The following CABP1 variants were observed in gnomAD, a reference collection of about 807,000 sequenced individuals.
The protein encoded by CABP1 is calcium binding protein 1, also known as calcium-binding protein 1.
In CABP1, 17 loss-of-function variants were observed where a neutral mutation model predicts 34.3. The observed-to-expected ratio is 0.50, with a 90% CI of 0.34 to 0.74. CABP1 has a LOEUF of 0.74. Among genes scored for constraint, CABP1 ranks in the 30% least tolerant of loss-of-function variants. The pLI is 0.01. For missense variants in CABP1, 373 were observed against 511.1 expected, an observed-to-expected ratio of 0.73 and a Z score of 2.61; for synonymous variants, 198 against 229.2, an observed-to-expected ratio of 0.86 and a Z score of 1.23.
At chr12:120,671,038 G>T (rs984253745), downstream of CABP1, among the ~76,000 whole-genome samples, 1 of 152,160 alleles carries the variant, frequency 6.6e-6, no homozygotes, top group Non-Finnish European at 1.5e-5. Context: ...TACATAAAAG[G>T]CACCCGATTC....
At chr12:120,676,826 A>G in the CABP1 span, among the ~76,000 whole-genome samples, 1 of 152,214 alleles carries the variant, frequency 6.6e-6, no homozygotes, top group Non-Finnish European at 1.5e-5. Flanking sequence ...TTAGGTTCAG[A>G]GAAGGAATGT....
Position 120,660,968 on chromosome 12 carries a change from G to T in CABP1, c.940-103G>T. ...GGAGCTTGGACAGAGAAAGGTCTCT[G>T]GTAAAGGGGGGCAATGACACTGGAG... On this transcript the variant is annotated intron_variant, in intron 4 of 5. Coordinates refer to ENST00000316803, the MANE Select transcript of CABP1 (RefSeq NM_001033677.2). The surrounding 1 kb of genome is among the most constrained non-coding windows in gnomAD (Gnocchi z 5.0). 1 of 1,443,656 alleles carries T rather than the reference G, an allele frequency of 6.9e-7. No homozygotes were observed. The highest frequency in any genetic ancestry group is 9.6e-7 in the Non-Finnish European group (1 of 1,044,756). The allele number at this position is 1,443,656 out of a possible 1,614,324, so 89.4% of individuals were successfully genotyped here.
At position 120,641,030 on chromosome 12, in the gene CABP1, C is replaced by T; in HGVS notation, c.345C>T (p.Pro115=). The change falls in exon 1 of 6, where the codon CCC becomes CCT. Residue 115 remains proline, a synonymous_variant. Coordinates refer to ENST00000316803, the MANE Select transcript of CABP1 (RefSeq NM_001033677.2). The surrounding 1 kb of genome is among the most constrained non-coding windows in gnomAD (Gnocchi z 6.7). ...CPATPQSSGD[P]SSRRPLCRPA... ...CGACGCCGCAGTCGTCCGGGGACCCCAGTTCGCGGAGGCCCCTGTGCCGGC... is the reference window on the plus strand; with the variant it reads ...CGACGCCGCAGTCGTCCGGGGACCCTAGTTCGCGGAGGCCCCTGTGCCGGC... 1.7e-6 allele frequency: 2 copies of T among 1,175,908 alleles called. No homozygotes were observed. Among genetic ancestry groups the T allele is most frequent in the Non-Finnish European group, 2.1e-6 (2 of 952,292 alleles). The allele number at this position is 1,175,908 out of a possible 1,614,324, so 72.8% of individuals were successfully genotyped here. A position where few individuals can be genotyped will look rare whatever the true frequency, so the allele number is the denominator to read the frequency against.
In CABP1 at chr12:120,661,346, T is replaced by C. The variant is rs10774565; in HGVS notation, c.1087+128T>C. On this transcript the variant is annotated intron_variant, in intron 5 of 5. Coordinates refer to ENST00000316803, the MANE Select transcript of CABP1 (RefSeq NM_001033677.2). The surrounding 1 kb of genome is among the most constrained non-coding windows in gnomAD (Gnocchi z 5.1). ...TCCAACCCCCAGCCCTTTCATCCTC[T>C]TATCCCTCCGTCCATGCCCCCGTCT... 155,367 of 1,035,406 alleles carry C rather than the reference T, an allele frequency of 0.15. 12,488 individuals are homozygous for C. Among genetic ancestry groups the C allele is most frequent in the East Asian group, 0.21 (8,273 of 38,802 alleles). The allele number at this position is 1,035,406 out of a possible 1,614,324, so 64.1% of individuals were successfully genotyped here.
intron 5 of CABP1, among the ~76,000 whole-genome samples, chr12:120,662,669 G>A (rs2137368210): frequency 7.1e-6 from 1 of 140,324 alleles, no homozygotes; most frequent in East Asian, 2.2e-4. Flanking sequence ...CCACCAGGAG[G>A]GCTTTTATCC....
At chr12:120,653,932 G>A (rs11065189) in intron 1 of CABP1, among the ~76,000 whole-genome samples, 5,352 of 152,260 alleles carry the variant, frequency 0.035, 279 homozygotes, top group East Asian at 0.26. Context: ...CAAAAATGCT[G>A]ACTCTCTGCA....
Position 120,655,918 on chromosome 12 carries a change from G to A in CABP1, c.655-3960G>A. 2.0e-6 allele frequency: 3 copies of A among 1,537,012 alleles called. No individual in the cohort carries two copies. In the South Asian group the frequency reaches 3.6e-5, roughly 18 times the overall value. On this transcript the variant is annotated intron_variant, in intron 1 of 5. Transcript: ENST00000316803. The stretch of plus-strand genomic sequence containing the variant: ...GAACCACCATTTCCGTCAAGGATTG[G>A]AGACTCTGTCTGTTGGACCAATTTG...
chr12:120,656,448 A>ATGT (rs869134402), intron 1 of CABP1, among the ~76,000 whole-genome samples: 1 of 33,830 alleles, frequency 3.0e-5, no homozygotes, highest in East Asian at 5.2e-4. Flanking sequence ...GAGCAAAATA[A>ATGT]TGATGATGAT....
chr12:120,666,972 C>G lies in CABP1; in HGVS notation c.*72C>G. 1 of 1,527,716 alleles carries G rather than the reference C, an allele frequency of 6.5e-7. No homozygotes were observed. Among genetic ancestry groups the G allele is most frequent in the Non-Finnish European group, 8.8e-7 (1 of 1,134,114 alleles). 94.6% of individuals were successfully genotyped at this position (1,527,716 alleles called of 1,614,324 possible). On this transcript the variant is annotated 3_prime_UTR_variant, in exon 6 of 6. Coordinates refer to ENST00000316803, the MANE Select transcript of CABP1 (RefSeq NM_001033677.2). ...TAAGAGGAGCTAGAGCTTGCCTCAC[C>G]CGCTGTAGCCGCCGAGAGCCCAGGA... is the stretch of plus-strand genomic sequence containing the variant.
chr12:120,655,843 G>A (rs769459617), intron 1 of CABP1: 3 of 1,532,958 alleles, frequency 2.0e-6, no homozygotes. Context: ...GTGTGTGTGT[G>A]TGTGTGTGCG....
chr12:120,677,372 G>A, the CABP1 span, among the ~76,000 whole-genome samples: 1 of 146,580 alleles, frequency 6.8e-6, no homozygotes, highest in African/African-American at 2.5e-5. Flanking sequence ...ACAGGCATGA[G>A]CCACTATGCC....
the CABP1 span, among the ~76,000 whole-genome samples, chr12:120,679,555 C>T: frequency 6.6e-6 from 1 of 152,170 alleles, no homozygotes; most frequent in African/African-American, 2.4e-5. Flanking sequence ...GGGCTGGGCG[C>T]AGTGGCTCAT....
intron 1 of CABP1, among the ~76,000 whole-genome samples, chr12:120,647,115 G>T (rs1351552498): frequency 6.6e-6 from 1 of 152,156 alleles, no homozygotes; most frequent in African/African-American, 2.4e-5. Flanking sequence ...GCCTGCAGGG[G>T]GCAGGAACCA....
downstream of CABP1, among the ~76,000 whole-genome samples, chr12:120,671,967 C>G (rs1194451614): frequency 6.6e-6 from 1 of 152,164 alleles, no homozygotes; most frequent in Non-Finnish European, 1.5e-5. Flanking sequence ...ACTTGGGATG[C>G]TGAGGTGGGA....
chr12:120,648,870 G>A (rs1276023620), intron 1 of CABP1, among the ~76,000 whole-genome samples: 1 of 141,788 alleles, frequency 7.1e-6, no homozygotes, highest in Non-Finnish European at 1.5e-5. Context: ...AACAGAGCAA[G>A]ACACTGTCTA....
intron 1 of CABP1, chr12:120,655,826 CGT>C (rs768364969): frequency 1.1e-5 from 16 of 1,417,922 alleles, no homozygotes; most frequent in African/African-American, 1.5e-5. Flanking sequence ...CCAGTGCGTG[CGT>C]GCGTGTGTGT....
In CABP1 at chr12:120,660,632, T is replaced by C. The variant is rs1206912837; in HGVS notation, c.830-99T>C. 1 of 831,278 alleles carries C rather than the reference T, an allele frequency of 1.2e-6. No homozygotes were observed. Among genetic ancestry groups the C allele is most frequent in the African/African-American group, 1.7e-5 (1 of 59,272 alleles). 51.5% of individuals were successfully genotyped at this position (831,278 alleles called of 1,614,324 possible). ...TATTATTAAGTTTGTCTCTATCTGATGAGCAGGTCAAGGAGGGGTTGTCCA... is the reference window on the plus strand; with the variant it reads ...TATTATTAAGTTTGTCTCTATCTGACGAGCAGGTCAAGGAGGGGTTGTCCA... On this transcript the variant is annotated intron_variant, in intron 3 of 5. Coordinates refer to ENST00000316803, the MANE Select transcript of CABP1 (RefSeq NM_001033677.2). This position sits in a 1 kb window ranked among gnomAD's most constrained non-coding sequence, Gnocchi z 5.0.
At chr12:120,655,459 C>A in intron 1 of CABP1, 1 of 892,416 alleles carries the variant, frequency 1.1e-6, no homozygotes, top group Non-Finnish European at 1.4e-6. Flanking sequence ...CATGTTTCCA[C>A]TTTGCCCCAG....
rs1390331132 is a variant in CABP1, at chr12:120,656,727, C to T, written c.655-3151C>T. 2.6e-5 allele frequency among the ~76,000 whole-genome samples: 4 copies of T among 152,146 alleles called. No individual in the cohort carries two copies. The East Asian group carries it at 7.7e-4, about 29-fold the overall frequency. On this transcript the variant is annotated intron_variant, in intron 1 of 5. Transcript: ENST00000316803. The stretch of plus-strand genomic sequence containing the variant: ...CCTGGCCAACATGGTGAAACCCCAT[C>T]TCTACTAAAATACAAAAATTAGCTA...
Sources: allele counts gnomAD v4.1 joint callset (sites outside exome capture counted in the v4.1 genomes callset), GRCh38; gene constraint gnomAD v4.1.1; non-coding constraint Gnocchi (gnomAD v3.1); transcripts MANE v1.5; gene names NCBI Gene and HGNC (gene_info 2026-07-23, HGNC 2026-07-21).